The following ANO1 variants were observed in gnomAD, a reference collection of about 807,000 sequenced individuals.
ANO1 encodes anoctamin 1.
ANO1 carries 59 observed loss-of-function variants against 124.0 expected under a neutral mutation model. The ratio of observed to expected loss-of-function variants is 0.48; its 90% confidence interval spans 0.39 to 0.59. The LOEUF (loss-of-function observed/expected upper bound fraction) is 0.59. ANO1 is among the 20% of genes least tolerant of loss of function. ANO1 has a pLI of 0.00. For synonymous variants in ANO1, 529 were observed against 532.0 expected (o/e 0.99, Z 0.08); for missense variants, 1,059 against 1,328.0 (o/e 0.80, Z 3.15).
At chr11:69,971,559 C>CTCCTCCTCCTCCTCCCT in the ANO1 span, among the ~76,000 whole-genome samples, 1 of 151,882 alleles carries the variant, frequency 6.6e-6, no homozygotes, top group South Asian at 2.1e-4. Flanking sequence ...TTTCTTTTTA[C>CTCCTCCTCCTCCTCCCT]TCCTCCTCCT....
intron 1 of ANO1, among the ~76,000 whole-genome samples, chr11:70,046,542 A>T (rs1374097771): frequency 1.3e-5 from 2 of 152,274 alleles, no homozygotes; most frequent in East Asian, 3.9e-4. Context: ...GAATATGGCC[A>T]TTTGAGATTC....
intron 22 of ANO1, among the ~76,000 whole-genome samples, chr11:70,172,132 A>AGAAAAG (rs1555052150): frequency 3.2e-4 from 45 of 141,662 alleles, no homozygotes; most frequent in East Asian, 6.6e-4. Context: ...AAAAAAAAAA[A>AGAAAAG]AAAAGAAAAG....
chr11:70,020,525 A>G (rs1277482205), intron 1 of ANO1, among the ~76,000 whole-genome samples: 1 of 152,220 alleles, frequency 6.6e-6, no homozygotes, highest in Non-Finnish European at 1.5e-5. Context: ...AGACAGCTGG[A>G]AAGGCCCTCT....
At chr11:70,185,081 T>C (rs1249460547) in intron 24 of ANO1, among the ~76,000 whole-genome samples, 2 of 152,192 alleles carry the variant, frequency 1.3e-5, no homozygotes, top group Non-Finnish European at 2.9e-5. Flanking sequence ...GGGGATGGAC[T>C]GGAGGGGTGT....
intron 11 of ANO1, among the ~76,000 whole-genome samples, chr11:70,142,243 G>C (rs1940237): frequency 0.11 from 17,458 of 152,164 alleles, 1,193 homozygotes; most frequent in South Asian, 0.23. Flanking sequence ...GCAAAAAGCC[G>C]GAGAAAGATG....
intron 8 of ANO1, among the ~76,000 whole-genome samples, chr11:70,122,142 C>T (rs374684822): frequency 2.3e-5 from 3 of 130,236 alleles, no homozygotes; most frequent in African/African-American, 9.1e-5. Context: ...CTCCATCTGC[C>T]TCTGTCTCTG....
At chr11:70,090,878 C>T (rs1444778676) in intron 2 of ANO1, among the ~76,000 whole-genome samples, 2 of 152,168 alleles carry the variant, frequency 1.3e-5, no homozygotes, top group Non-Finnish European at 2.9e-5. Context: ...GTAGAAACGT[C>T]CATTCAAGTT....
intron 1 of ANO1, among the ~76,000 whole-genome samples, chr11:70,079,296 G>A (rs953513189): frequency 2.6e-5 from 4 of 152,102 alleles, no homozygotes; most frequent in African/African-American, 9.7e-5. Context: ...CATTGGCACC[G>A]AAACTCTCAA....
chr11:70,173,709 A>G (rs1480376890), intron 22 of ANO1, among the ~76,000 whole-genome samples: 2 of 152,182 alleles, frequency 1.3e-5, no homozygotes, highest in Non-Finnish European at 2.9e-5. Context: ...AATGGTTCTT[A>G]CCCAAAGGCT....
At chr11:70,113,837 A>G (rs1309921790) in intron 7 of ANO1, among the ~76,000 whole-genome samples, 2 of 152,130 alleles carry the variant, frequency 1.3e-5, no homozygotes, top group Non-Finnish European at 2.9e-5. Context: ...AGACTCAGAA[A>G]GGCTTAGTAA....
In ANO1 at chr11:70,144,620, G is replaced by A. The variant is rs190456736; in HGVS notation, c.1259-5090G>A. 4.4e-3 allele frequency among the ~76,000 whole-genome samples: 674 copies of A among 152,322 alleles called. 2 individuals carry two copies. The highest frequency in any genetic ancestry group is 0.015 in the African/African-American group (630 of 41,554). ...GGAAGGGACCATAGCCCAACTATCC[G>A]CTCCCGCCAGGCCTGGCTTCTCGCT... On this transcript the variant is annotated intron_variant, in intron 11 of 25. Coordinates refer to ENST00000355303, the MANE Select transcript of ANO1 (RefSeq NM_018043.7).
At chr11:70,143,360 G>C (rs1403832390) in intron 11 of ANO1, among the ~76,000 whole-genome samples, 2 of 152,206 alleles carry the variant, frequency 1.3e-5, no homozygotes, top group Non-Finnish European at 2.9e-5. Flanking sequence ...CCGCCAGCCA[G>C]CTAAGGAGGT....
chr11:69,968,007 G>A, the ANO1 span, among the ~76,000 whole-genome samples: 1 of 152,276 alleles, frequency 6.6e-6, no homozygotes, highest in African/African-American at 2.4e-5. Flanking sequence ...GCTCAGTGGA[G>A]GTGGGGTGTC....
chr11:70,017,955 T>C (rs1053252965), intron 1 of ANO1, among the ~76,000 whole-genome samples: 7 of 152,108 alleles, frequency 4.6e-5, no homozygotes, highest in Admixed American at 4.6e-4. Context: ...AGAGTTTTCC[T>C]CAATCCCCTC....
the ANO1 span, among the ~76,000 whole-genome samples, chr11:69,979,029 C>G: frequency 6.6e-6 from 1 of 152,106 alleles, no homozygotes; most frequent in African/African-American, 2.4e-5. Context: ...TCCAAAAACT[C>G]GAGCGATGCG....
intron 10 of ANO1, among the ~76,000 whole-genome samples, chr11:70,131,091 G>A (rs771074573): frequency 9.2e-5 from 14 of 152,304 alleles, no homozygotes; most frequent in East Asian, 1.9e-4. Context: ...CGTGCCTGCC[G>A]ATTATATGGG....
intron 3 of ANO1, 111 bp downstream of exon 3, chr11:70,103,275 C>A (rs2045351310): frequency 1.6e-5 from 12 of 768,146 alleles, no homozygotes; most frequent in East Asian, 2.8e-5. Context: ...AAAAAAAAAA[C>A]CCAGTGGGCT....
At chr11:70,001,603 G>A (rs1279377226) in intron 1 of ANO1, among the ~76,000 whole-genome samples, 2 of 152,126 alleles carry the variant, frequency 1.3e-5, no homozygotes, top group African/African-American at 4.8e-5. Flanking sequence ...CGTTTCTATC[G>A]CACACAAAAG....
chr11:70,047,671 C>T (rs1555005833), intron 1 of ANO1, among the ~76,000 whole-genome samples: 1 of 152,148 alleles, frequency 6.6e-6, no homozygotes, highest in Admixed American at 6.5e-5. Flanking sequence ...TGCCATTCAG[C>T]CTTCTCATGA....
Sources: allele counts gnomAD v4.1 joint callset (sites outside exome capture counted in the v4.1 genomes callset), GRCh38; gene constraint gnomAD v4.1.1; transcripts MANE v1.5; gene names NCBI Gene and HGNC (gene_info 2026-07-23, HGNC 2026-07-21).